Variants in CNTN4 observed in about 807,000 individuals in gnomAD.
CNTN4 encodes the protein contactin 4.
A neutral mutation model predicts 122.5 loss-of-function variants in CNTN4; 77 were observed. That is an observed-to-expected ratio of 0.63 (90% CI 0.52 to 0.76). The LOEUF (loss-of-function observed/expected upper bound fraction) is 0.76. CNTN4 is among the 30% of genes least tolerant of loss of function. CNTN4 has a pLI of 0.00. For missense variants in CNTN4, 1,256 were observed against 1,259.1 expected (o/e 1.00, Z 0.04); for synonymous variants, 512 against 447.0 (o/e 1.15, Z -1.83).
rs142577892 is a variant in CNTN4 at position 2,277,694 on chromosome 3, T to A, written c.-144-61484T>A. 1.5e-3 allele frequency among the ~76,000 whole-genome samples: 235 copies of A among 152,296 alleles called. 2 individuals carry two copies. The highest frequency in any genetic ancestry group is 5.3e-3 in the African/African-American group (222 of 41,566). ...CTCATTCAAGTTAACATTAATATAC[T>A]TTTTTGCTCTTCTCTTCCTCCTGGT... On this transcript the variant is annotated intron_variant, in intron 2 of 24. Coordinates refer to ENST00000418658, the MANE Select transcript of CNTN4 (RefSeq NM_175607.3).
At chr3:2,965,851 T>TAC (rs1315287399) in intron 13 of CNTN4, among the ~76,000 whole-genome samples, 2 of 152,186 alleles carry the variant, frequency 1.3e-5, no homozygotes, top group African/African-American at 4.8e-5. Context: ...ATCTAACTCC[T>TAC]ACATATCCCT....
chr3:2,866,881 T>C lies in CNTN4; in HGVS notation c.584T>C (p.Val195Ala). 1 of 1,614,060 alleles carries C rather than the reference T, an allele frequency of 6.2e-7. No individual in the cohort carries two copies. Among genetic ancestry groups the C allele is most frequent in the South Asian group, 1.1e-5 (1 of 91,082 alleles). Reference protein sequence around the residue: ...EKSDVGNYTCVVTNTVTNHKV... With the variant: ...EKSDVGNYTCAVTNTVTNHKV... Reference sequence around the variant, plus strand: ...TCAGATGTTGGGAATTATACCTGTGTGGTTACCAATACCGTGACAAACCAC... The same window carrying C: ...TCAGATGTTGGGAATTATACCTGTGCGGTTACCAATACCGTGACAAACCAC... The change falls in exon 8 of 25, where the codon GTG (valine) becomes GCG (alanine). Residue 195 changes from valine to alanine, a missense_variant. Transcript: ENST00000418658.
intron 2 of CNTN4, among the ~76,000 whole-genome samples, chr3:2,224,191 C>A (rs142470443): frequency 1.5e-3 from 235 of 152,158 alleles, no homozygotes; most frequent in African/African-American, 5.5e-3. Context: ...CAAATGTATG[C>A]CAAAGAAATA....
intron 3 of CNTN4, among the ~76,000 whole-genome samples, chr3:2,508,494 C>T (rs966748500): frequency 2.0e-5 from 3 of 152,144 alleles, no homozygotes; most frequent in Non-Finnish European, 4.4e-5. Flanking sequence ...AACTTTCATT[C>T]TGCCCCTAGA....
At chr3:2,539,720 A>G (rs2149287871) in intron 3 of CNTN4, among the ~76,000 whole-genome samples, 1 of 152,296 alleles carries the variant, frequency 6.6e-6, no homozygotes, top group Non-Finnish European at 1.5e-5. Context: ...TTAATGTTAC[A>G]AGTAAACAGA....
intron 2 of CNTN4, among the ~76,000 whole-genome samples, chr3:2,158,696 A>G (rs1405542117): frequency 6.6e-6 from 1 of 152,244 alleles, no homozygotes; most frequent in Non-Finnish European, 1.5e-5. Flanking sequence ...TTGAGCCTGC[A>G]TAGAAAAAGT....
chr3:2,761,823 G>A (rs1046051662), intron 6 of CNTN4, among the ~76,000 whole-genome samples: 8 of 151,882 alleles, frequency 5.3e-5, no homozygotes, highest in African/African-American at 1.9e-4. Context: ...TTCTAAGAAG[G>A]GATTATTATT....
intron 6 of CNTN4, among the ~76,000 whole-genome samples, chr3:2,747,092 C>CAAA (rs201475392): frequency 9.2e-5 from 13 of 141,376 alleles, no homozygotes; most frequent in African/African-American, 2.8e-4. Flanking sequence ...AGTATAACAC[C>CAAA]AAAAAAAAAA....
At chr3:2,618,024 A>G (rs764849989) in intron 4 of CNTN4, among the ~76,000 whole-genome samples, 28 of 152,196 alleles carry the variant, frequency 1.8e-4, no homozygotes, top group Non-Finnish European at 3.5e-4. Flanking sequence ...ATCACTTTCT[A>G]TGTGCCAGAA....
intron 3 of CNTN4, among the ~76,000 whole-genome samples, chr3:2,552,128 G>A (rs889576434): frequency 6.6e-6 from 1 of 152,186 alleles, no homozygotes; most frequent in African/African-American, 2.4e-5. Flanking sequence ...AGTGAGGCCA[G>A]AGTAAAGGAG....
intron 2 of CNTN4, among the ~76,000 whole-genome samples, chr3:2,241,412 C>T (rs1249409729): frequency 1.3e-5 from 2 of 152,164 alleles, no homozygotes; most frequent in African/African-American, 2.4e-5. Flanking sequence ...CCCTTATCCT[C>T]CTGCTACTTA....
intron 3 of CNTN4, among the ~76,000 whole-genome samples, chr3:2,543,470 C>G (rs999431654): frequency 2.6e-5 from 4 of 151,992 alleles, no homozygotes; most frequent in Admixed American, 2.6e-4. Context: ...GGGATTTGGG[C>G]CCTGGGAGGG....
chr3:2,922,512 A>G (rs1184695827), intron 12 of CNTN4, among the ~76,000 whole-genome samples: 1 of 152,202 alleles, frequency 6.6e-6, no homozygotes, highest in Non-Finnish European at 1.5e-5. Context: ...TTCCCTTAAA[A>G]GTACCACAGT....
intron 3 of CNTN4, among the ~76,000 whole-genome samples, chr3:2,364,225 C>T (rs547777011): frequency 1.3e-5 from 2 of 152,180 alleles, no homozygotes; most frequent in East Asian, 1.9e-4. Flanking sequence ...CCCTCTGATT[C>T]GCTGAGACAT....
chr3:2,132,169 G>A (rs533423446), intron 2 of CNTN4, among the ~76,000 whole-genome samples: 9 of 152,144 alleles, frequency 5.9e-5, no homozygotes, highest in Non-Finnish European at 1.2e-4. Flanking sequence ...AGCTAACCAC[G>A]TGGAGAAAGA....
At chr3:2,765,257 T>C (rs999299255) in intron 6 of CNTN4, among the ~76,000 whole-genome samples, 6 of 152,006 alleles carry the variant, frequency 3.9e-5, no homozygotes, top group Non-Finnish European at 8.8e-5. Flanking sequence ...CCACTCGTAC[T>C]TGTCGTCACT....
chr3:2,410,110 T>C (rs2047177974), intron 3 of CNTN4, among the ~76,000 whole-genome samples: 1 of 152,208 alleles, frequency 6.6e-6, no homozygotes, highest in African/African-American at 2.4e-5. Flanking sequence ...GAAACAGAAT[T>C]CAGTGGTGCA....
intron 3 of CNTN4, among the ~76,000 whole-genome samples, chr3:2,466,601 A>G (rs528829694): frequency 1.3e-5 from 2 of 152,144 alleles, no homozygotes; most frequent in Admixed American, 1.3e-4. Flanking sequence ...TCTTGTTGCT[A>G]TGGTATCCCT....
chr3:2,629,560 G>A (rs1162249328), intron 4 of CNTN4: 1 of 453,086 alleles, frequency 2.2e-6, no homozygotes, highest in Non-Finnish European at 4.4e-6. Context: ...TGCTGGGGGT[G>A]CTGCCAGCCT....
Sources: allele counts gnomAD v4.1 joint callset (sites outside exome capture counted in the v4.1 genomes callset), GRCh38; gene constraint gnomAD v4.1.1; transcripts MANE v1.5; gene names NCBI Gene and HGNC (gene_info 2026-07-23, HGNC 2026-07-21).